The following MALRD1 variants were observed in gnomAD, a reference collection of about 807,000 sequenced individuals.
MALRD1 encodes the protein MAM and LDL-receptor class A domain-containing protein 1.
A neutral mutation model predicts 242.1 loss-of-function variants in MALRD1; 247 were observed. That is an observed-to-expected ratio of 1.02 (90% confidence interval 0.92 to 1.13). The LOEUF (loss-of-function observed/expected upper bound fraction) is 1.13, where lower values mean the gene tolerates loss of function less well. Ranked by LOEUF, MALRD1 falls within the 50% of genes most tolerant of loss-of-function variation. The pLI is 0.00. For missense variants in MALRD1, 2,989 were observed against 2,533.1 expected (o/e 1.18, Z -3.86); for synonymous variants, 995 against 866.6 (o/e 1.15, Z -2.60).
At chr10:19,292,899 A>AC (rs569233964) in intron 21 of MALRD1, among the ~76,000 whole-genome samples, 1,641 of 151,390 alleles carry the variant, frequency 0.011, 23 homozygotes, top group African/African-American at 0.029. Context: ...CCTCAAAAAA[A>AC]AAAAAAAAAA....
At chr10:19,458,582 C>T (rs1322407317) in intron 29 of MALRD1, among the ~76,000 whole-genome samples, 5 of 152,108 alleles carry the variant, frequency 3.3e-5, no homozygotes, top group Admixed American at 6.5e-5. Flanking sequence ...GAGATATTTA[C>T]TCTTTGAATG....
At chr10:19,291,872 G>T (rs923460593) in intron 21 of MALRD1, among the ~76,000 whole-genome samples, 2 of 151,840 alleles carry the variant, frequency 1.3e-5, no homozygotes, top group Non-Finnish European at 2.9e-5. Context: ...ATCACTTGAT[G>T]TCAGGAGGTC....
intron 17 of MALRD1, 69 bp from the exon 18 acceptor site, chr10:19,209,199 T>C: frequency 7.5e-7 from 1 of 1,325,822 alleles, no homozygotes. Context: ...TAAATATTAA[T>C]AAATAGAATG....
intron 29 of MALRD1, among the ~76,000 whole-genome samples, chr10:19,469,794 C>G (rs1201007928): frequency 6.6e-6 from 1 of 151,938 alleles, no homozygotes; most frequent in Non-Finnish European, 1.5e-5. Flanking sequence ...AAACTTTATT[C>G]AAGTGTGATT....
rs528255987 is a variant in MALRD1, at chr10:19,108,945, T to G, written c.694+4870T>G. ...TGCAACTGGTGGAATAATTGCTCCT[T>G]CCAATTTTATAGAATGGCTTTCAGG... On this transcript the variant is annotated intron_variant, in intron 5 of 39. Transcript: ENST00000454679. Among the ~76,000 whole-genome samples the G allele has an allele frequency of 7.9e-5, 12 of 152,304 alleles. No homozygotes were observed. In the South Asian group the frequency reaches 2.5e-3, roughly 32 times the overall value.
chr10:19,333,955 GTGTC>G (rs1843496315), intron 24 of MALRD1, among the ~76,000 whole-genome samples: 1 of 151,900 alleles, frequency 6.6e-6, no homozygotes, highest in Non-Finnish European at 1.5e-5. Context: ...CTTTTGAAAA[GTGTC>G]TGTTCATGTC....
At chr10:19,417,157 T>C (rs1833542025) in intron 28 of MALRD1, among the ~76,000 whole-genome samples, 1 of 152,210 alleles carries the variant, frequency 6.6e-6, no homozygotes, top group Admixed American at 6.5e-5. Flanking sequence ...CTGGATTACC[T>C]GAGGACTGGG....
chr10:19,049,016 CA>C lies in MALRD1; in HGVS notation c.80del (p.Asn27IlefsTer42). 2.4e-6 allele frequency: 3 copies of C among 1,233,924 alleles called. No individual in the cohort carries two copies. Among genetic ancestry groups the C allele is most frequent in the Non-Finnish European group, 3.0e-6 (3 of 988,142 alleles). The allele number at this position is 1,233,924 out of a possible 1,614,324, so 76.4% of individuals were successfully genotyped here. On this transcript the variant is annotated frameshift_variant, in exon 1 of 40. Coordinates refer to ENST00000454679, the MANE Select transcript of MALRD1 (RefSeq NM_001142308.3). LOFTEE classifies it high-confidence loss of function. ...FCCLWIACVF[N>X]STLAQQGTES... is the part of the protein sequence containing the mutation. ...GTTGCCTTTGGATTGCCTGTGTTTT[CA>C]ATTCTACACTGGCTCAGCAAGGGAC...
chr10:19,569,051 G>A (rs1008215446), intron 33 of MALRD1, among the ~76,000 whole-genome samples: 3 of 152,016 alleles, frequency 2.0e-5, no homozygotes, highest in African/African-American at 4.8e-5. Flanking sequence ...TTTACAGTAA[G>A]TAAATCTATT....
intron 14 of MALRD1, among the ~76,000 whole-genome samples, chr10:19,186,923 C>CT (rs1052876469): frequency 1.3e-4 from 20 of 152,130 alleles, no homozygotes; most frequent in African/African-American, 4.6e-4. Flanking sequence ...CCACCTAACA[C>CT]TAAGTGTTCC....
intron 38 of MALRD1, among the ~76,000 whole-genome samples, chr10:19,729,677 C>T (rs1835197185): frequency 6.8e-6 from 1 of 148,032 alleles, no homozygotes; most frequent in Non-Finnish European, 1.5e-5. Context: ...TCAGTTGTCA[C>T]CAAGTAGTCC....
At chr10:19,263,786 G>C (rs1447798485) in intron 19 of MALRD1, among the ~76,000 whole-genome samples, 2 of 151,834 alleles carry the variant, frequency 1.3e-5, no homozygotes, top group African/African-American at 2.4e-5. Flanking sequence ...ATGCTCCATT[G>C]GTCCATGTTT....
intron 4 of MALRD1, among the ~76,000 whole-genome samples, chr10:19,097,892 C>G (rs1267594282): frequency 2.0e-5 from 3 of 152,178 alleles, no homozygotes; most frequent in African/African-American, 4.8e-5. Context: ...CAGAGCACAT[C>G]TCCCCATGAT....
At chr10:19,658,720 A>T (rs1170895656) in intron 36 of MALRD1, among the ~76,000 whole-genome samples, 1 of 152,092 alleles carries the variant, frequency 6.6e-6, no homozygotes, top group African/African-American at 2.4e-5. Context: ...GCCAACTTGA[A>T]TTTCTATTAC....
At chr10:19,596,624 T>C (rs924261210) in intron 34 of MALRD1, among the ~76,000 whole-genome samples, 1 of 151,662 alleles carries the variant, frequency 6.6e-6, no homozygotes, top group Non-Finnish European at 1.5e-5. Context: ...CCAGCTCCTC[T>C]GGAGGCTGAG....
intron 36 of MALRD1, among the ~76,000 whole-genome samples, chr10:19,647,483 G>A (rs532585660): frequency 6.6e-6 from 1 of 152,208 alleles, no homozygotes; most frequent in South Asian, 2.1e-4. Context: ...AGGAATAGAT[G>A]AGTAAAGTGA....
At chr10:19,115,409 C>T (rs756782037) in intron 5 of MALRD1, among the ~76,000 whole-genome samples, 26 of 151,770 alleles carry the variant, frequency 1.7e-4, no homozygotes, top group Non-Finnish European at 2.6e-4. Flanking sequence ...ACATATGTAC[C>T]CCGAAGTTAA....
chr10:19,427,429 A>G (rs543854321), intron 28 of MALRD1, among the ~76,000 whole-genome samples: 1 of 152,300 alleles, frequency 6.6e-6, no homozygotes, highest in African/African-American at 2.4e-5. Flanking sequence ...CAGATAATAG[A>G]TTATAGAGTG....
chr10:19,731,644 A>G (rs1835301895), intron 39 of MALRD1, among the ~76,000 whole-genome samples: 1 of 152,138 alleles, frequency 6.6e-6, no homozygotes, highest in Non-Finnish European at 1.5e-5. Flanking sequence ...CTCTTTGATC[A>G]ATATCTCATT....
Sources: gnomAD v4.1 joint callset for allele counts (sites outside exome capture counted in the v4.1 genomes callset) on GRCh38, gnomAD v4.1.1 for gene constraint, MANE v1.5 for transcripts, NCBI Gene and HGNC (gene_info 2026-07-23, HGNC 2026-07-21) for gene names.